Variants in KCNB2 observed in about 807,000 individuals in gnomAD.
KCNB2 encodes the protein delayed rectifier potassium channel protein.
In KCNB2, 15 loss-of-function variants were observed where a neutral mutation model predicts 61.5. The ratio of observed to expected loss-of-function variants is 0.24; its 90% CI spans 0.16 to 0.38. The LOEUF (loss-of-function observed/expected upper bound fraction) is 0.38. KCNB2 is among the 10% of genes least tolerant of loss of function. The probability of loss-of-function intolerance (pLI) is 1.00; values close to 1 mark genes in which losing one functional copy is unlikely to be tolerated. For synonymous variants in KCNB2, 457 were observed against 446.0 expected (o/e 1.02, Z -0.31); for missense variants, 828 against 1,125.2 (o/e 0.74, Z 3.78).
intron 2 of KCNB2, among the ~76,000 whole-genome samples, chr8:72,683,740 A>G (rs925723825): frequency 6.6e-6 from 1 of 152,110 alleles, no homozygotes; most frequent in African/African-American, 2.4e-5. Flanking sequence ...TGCCTGCTAC[A>G]GAGGAGGCTA....
At position 72,937,670 on chromosome 8, in the gene KCNB2, A is replaced by T. The variant is rs954727091; in HGVS notation, c.2315A>T (p.Glu772Val). Residue 772 changes from glutamate (E) to valine (V), a missense_variant, in exon 3 of 3, where the codon GAG (glutamate) becomes GTG (valine). Around this residue, in one of 4 missense-constraint regions of KCNB2, gnomAD observed 559 missense variants for 588.4 expected, o/e 0.95. Transcript: ENST00000523207. ...GGAGACAGACCCTTGCTGGGCACTG[A>T]GGTTTCAGCGCCTTGTCAGGGACCT... ...SQGDRPLLGT[E>V]VSAPCQGPSK... The T allele has an allele frequency of 1.2e-6, 2 of 1,613,884 alleles. No homozygotes were observed.
chr8:72,839,981 T>C (rs937665115), intron 2 of KCNB2, among the ~76,000 whole-genome samples: 4 of 151,992 alleles, frequency 2.6e-5, no homozygotes, highest in African/African-American at 9.7e-5. Context: ...TACATAGTTA[T>C]ACACTTGCCA....
chr8:72,554,524 T>C (rs1806393863), intron 1 of KCNB2, among the ~76,000 whole-genome samples: 1 of 152,074 alleles, frequency 6.6e-6, no homozygotes, highest in African/African-American at 2.4e-5. Context: ...ATTGTTTAAA[T>C]TGTATATTTA....
chr8:72,582,704 C>A (rs528350516), intron 2 of KCNB2, among the ~76,000 whole-genome samples: 1 of 152,332 alleles, frequency 6.6e-6, no homozygotes, highest in Admixed American at 6.5e-5. Context: ...CCTCAAACTC[C>A]TGGGCTCAAG....
intron 2 of KCNB2, among the ~76,000 whole-genome samples, chr8:72,815,758 TAC>T (rs1288409067): frequency 6.6e-6 from 1 of 152,120 alleles, no homozygotes; most frequent in African/African-American, 2.4e-5. Context: ...TGCAGGATTC[TAC>T]AGCAAGAGAG....
At chr8:72,538,511 G>A (rs1806147394) in intron 1 of KCNB2, among the ~76,000 whole-genome samples, 1 of 152,136 alleles carries the variant, frequency 6.6e-6, no homozygotes, top group Non-Finnish European at 1.5e-5. Context: ...ATTTTCTCGA[G>A]TTGTGAGCAT....
intron 2 of KCNB2, among the ~76,000 whole-genome samples, chr8:72,568,799 CCA>C (rs140331220): frequency 0.43 from 65,515 of 151,850 alleles, 17,404 homozygotes; most frequent in Non-Finnish European, 0.57. Context: ...AGGGCAAGTG[CCA>C]CACACATGAG....
chr8:72,839,636 G>A lies in KCNB2; in HGVS notation c.580-96299G>A, dbSNP rs182694322. Among the ~76,000 whole-genome samples the A allele has an allele frequency of 4.1e-3, 422 of 102,660 alleles. 1 individual carries two copies. The highest frequency in any genetic ancestry group is 0.013 in the African/African-American group (316 of 24,274). The allele number at this position is 102,660 out of a possible 152,430, so 67.3% of individuals were successfully genotyped here. A position where few individuals can be genotyped will look rare whatever the true frequency, so the allele number is the denominator to read the frequency against. ...TTTTTTTTTTTTTTTTTTTTGTGAC[G>A]GAGTCTCGCTCTGTCGCCCAGGCTG... On this transcript the variant is annotated intron_variant, in intron 2 of 2. Transcript: ENST00000523207.
intron 2 of KCNB2, among the ~76,000 whole-genome samples, chr8:72,816,201 T>C (rs1162758150): frequency 6.6e-6 from 1 of 152,180 alleles, no homozygotes; most frequent in Non-Finnish European, 1.5e-5. Context: ...TTCTGCAAAA[T>C]GTGATGAATA....
intron 2 of KCNB2, among the ~76,000 whole-genome samples, chr8:72,711,830 A>G (rs1180363810): frequency 6.6e-6 from 1 of 152,180 alleles, no homozygotes; most frequent in Non-Finnish European, 1.5e-5. Context: ...TCTACTAAAA[A>G]TACCAAAAAA....
chr8:72,649,842 C>A (rs1166745329), intron 2 of KCNB2, among the ~76,000 whole-genome samples: 2 of 152,128 alleles, frequency 1.3e-5, no homozygotes, highest in Non-Finnish European at 1.5e-5. Context: ...ATAGAACCAC[C>A]TGGAATGACT....
At chr8:72,665,977 C>T (rs1272283382) in intron 2 of KCNB2, among the ~76,000 whole-genome samples, 1 of 152,244 alleles carries the variant, frequency 6.6e-6, no homozygotes. Context: ...AACTGGCTCC[C>T]CATGTCCCCT....
intron 1 of KCNB2, among the ~76,000 whole-genome samples, chr8:72,558,786 A>C (rs1806467107): frequency 6.6e-6 from 1 of 151,918 alleles, no homozygotes; most frequent in Admixed American, 6.6e-5. Flanking sequence ...CAAATATATA[A>C]TTGATGTTGT....
intron 2 of KCNB2, among the ~76,000 whole-genome samples, chr8:72,739,915 A>G (rs1430157536): frequency 6.6e-6 from 1 of 152,178 alleles, no homozygotes; most frequent in Non-Finnish European, 1.5e-5. Flanking sequence ...CATGTACAAT[A>G]CTGTACACAA....
chr8:72,775,392 T>C (rs1808632286), intron 2 of KCNB2, among the ~76,000 whole-genome samples: 1 of 152,292 alleles, frequency 6.6e-6, no homozygotes, highest in South Asian at 2.1e-4. Context: ...CTGCCAATTT[T>C]GAGCCCTGTT....
At chr8:72,609,135 AT>A (rs1348347789) in intron 2 of KCNB2, among the ~76,000 whole-genome samples, 1 of 152,182 alleles carries the variant, frequency 6.6e-6, no homozygotes, top group Non-Finnish European at 1.5e-5. Context: ...GACCCAGAGC[AT>A]TGAAGAGAAT....
chr8:72,604,447 A>G (rs938164415), intron 2 of KCNB2, among the ~76,000 whole-genome samples: 2 of 152,240 alleles, frequency 1.3e-5, no homozygotes, highest in Admixed American at 1.3e-4. Context: ...AAGAGCCACC[A>G]TGTGATTTTG....
chr8:72,695,776 T>C (rs1388074529), intron 2 of KCNB2, among the ~76,000 whole-genome samples: 2 of 152,222 alleles, frequency 1.3e-5, no homozygotes, highest in African/African-American at 4.8e-5. Flanking sequence ...ATCAGTATAT[T>C]CATAATCCCT....
Position 72,567,918 on chromosome 8 carries a change from G to C in KCNB2, c.184G>C (p.Gly62Arg). Residue 62 changes from glycine to arginine, a missense_variant, in exon 2 of 3, where the codon GGG becomes CGG. Around this residue, in one of 4 missense-constraint regions of KCNB2, gnomAD observed 163 missense variants for 314.4 expected, o/e 0.52. Coordinates refer to ENST00000523207, the MANE Select transcript of KCNB2 (RefSeq NM_004770.3). ...TLDRLPRTRL[G>R]KLRDCNTHES... ...GGACAGGCTGCCCAGGACGCGCCTG[G>C]GGAAGCTTCGAGACTGCAACACACA... The C allele has an allele frequency of 6.2e-7, 1 of 1,613,898 alleles. No homozygotes were observed. Among genetic ancestry groups the C allele is most frequent in the South Asian group, 1.1e-5 (1 of 91,054 alleles).
Sources: allele counts gnomAD v4.1 joint callset (sites outside exome capture counted in the v4.1 genomes callset), GRCh38; gene constraint gnomAD v4.1.1; regional missense constraint gnomAD v4.1.1; transcripts MANE v1.5; gene names NCBI Gene and HGNC (gene_info 2026-07-23, HGNC 2026-07-21).